The following PREX2 variants were observed in gnomAD, a reference collection of about 807,000 sequenced individuals.
PREX2 encodes phosphatidylinositol 3,4,5-trisphosphate-dependent Rac exchanger 2 protein.
A neutral mutation model predicts 203.2 loss-of-function variants in PREX2; 107 were observed. That is an observed-to-expected ratio of 0.53 (90% CI 0.45 to 0.62). PREX2 has a LOEUF of 0.62. PREX2 is among the 20% of genes least tolerant of loss of function. The pLI is 0.00. For synonymous variants in PREX2, 672 were observed against 663.6 expected, an observed-to-expected ratio of 1.01 and a Z score of -0.19; for missense variants, 1,777 against 1,955.9, an observed-to-expected ratio of 0.91 and a Z score of 1.72.
intron 25 of PREX2, among the ~76,000 whole-genome samples, chr8:68,115,414 A>G (rs1810633834): frequency 6.6e-6 from 1 of 152,224 alleles, no homozygotes; most frequent in Non-Finnish European, 1.5e-5. Flanking sequence ...AGGAATATTC[A>G]TTCTCACAGC....
At chr8:67,990,135 A>G (rs1563487617) in intron 1 of PREX2, among the ~76,000 whole-genome samples, 1 of 151,996 alleles carries the variant, frequency 6.6e-6, no homozygotes. Context: ...ACAGGCATGC[A>G]CCACCACACC....
At chr8:68,146,628 TA>T (rs2129613669) in intron 34 of PREX2, among the ~76,000 whole-genome samples, 1 of 152,266 alleles carries the variant, frequency 6.6e-6, no homozygotes, top group South Asian at 2.1e-4. Context: ...TTAAGTAAGT[TA>T]AATTATGGTA....
chr8:68,080,758 G>C lies in PREX2; in HGVS notation c.1798G>C (p.Glu600Gln). Residue 600 changes from glutamate to glutamine, a missense_variant, in exon 17 of 40, where the codon GAA becomes CAA. By Grantham distance (29) the Glu-to-Gln change is conservative. Coordinates refer to ENST00000288368, the MANE Select transcript of PREX2 (RefSeq NM_024870.4). Reference sequence around the variant, plus strand: ...TTTTGCATTTCAGATTAAATCCAATGAAGGCAGCTATGGCTTTGGATTAGA... The same window carrying C: ...TTTTGCATTTCAGATTAAATCCAATCAAGGCAGCTATGGCTTTGGATTAGA... ...IAKSLLIKSN[E>Q]GSYGFGLEDK... is the part of the protein sequence containing the mutation. 6.4e-7 allele frequency: 1 copy of C among 1,560,308 alleles called. No homozygotes were observed. The highest frequency in any genetic ancestry group is 8.7e-7 in the Non-Finnish European group (1 of 1,145,886).
At position 68,233,236 on chromosome 8, in the gene PREX2, G is replaced by C. The variant is rs1342726582; in HGVS notation, c.*1858G>C. ...TTTAACATTTGTAGGACTAATAAAG[G>C]AACACAGCTGATTAGCTAGCAAGTC... is the stretch of plus-strand genomic sequence containing the variant. On this transcript the variant is annotated 3_prime_UTR_variant, in exon 40 of 40. Transcript: ENST00000288368. 2 of 152,118 alleles carry C rather than the reference G, an allele frequency of 1.3e-5. No individual in the cohort carries two copies. The highest frequency in any genetic ancestry group is 2.9e-5 in the Non-Finnish European group (2 of 68,014). 9.4% of individuals were successfully genotyped at this position (152,118 alleles called of 1,614,324 possible). A position where few individuals can be genotyped will look rare whatever the true frequency, so the allele number is the denominator to read the frequency against.
At chr8:68,069,477 G>GT (rs1383591736) in intron 12 of PREX2, among the ~76,000 whole-genome samples, 1 of 150,738 alleles carries the variant, frequency 6.6e-6, no homozygotes, top group Non-Finnish European at 1.5e-5. Context: ...ATTTTGTACA[G>GT]TTGACAATAC....
At chr8:68,097,713 A>T (rs1164018193) in intron 22 of PREX2, among the ~76,000 whole-genome samples, 2 of 152,178 alleles carry the variant, frequency 1.3e-5, no homozygotes, top group Non-Finnish European at 2.9e-5. Context: ...CACAGTGTTA[A>T]GTTAGATGAA....
intron 37 of PREX2, among the ~76,000 whole-genome samples, chr8:68,207,760 A>G (rs1392482610): frequency 6.6e-6 from 1 of 152,150 alleles, no homozygotes; most frequent in Non-Finnish European, 1.5e-5. Context: ...AACTTGCCCA[A>G]GGTCACACAG....
intron 39 of PREX2, among the ~76,000 whole-genome samples, chr8:68,227,596 C>T (rs12549887): frequency 0.34 from 52,160 of 152,048 alleles, 9,939 homozygotes; most frequent in African/African-American, 0.51. Flanking sequence ...AAATCAATTT[C>T]GTTACCACAA....
intron 1 of PREX2, among the ~76,000 whole-genome samples, chr8:68,012,427 C>T (rs1381502560): frequency 6.6e-6 from 1 of 152,104 alleles, no homozygotes; most frequent in Non-Finnish European, 1.5e-5. Context: ...TTAAAAGACT[C>T]TCAATAACTG....
chr8:68,196,469 AT>A (rs1812397391), intron 37 of PREX2, among the ~76,000 whole-genome samples: 3 of 146,958 alleles, frequency 2.0e-5, no homozygotes, highest in Non-Finnish European at 4.5e-5. Flanking sequence ...GAGACACTAT[AT>A]ATATGTACAT....
intron 35 of PREX2, among the ~76,000 whole-genome samples, chr8:68,176,497 C>T (rs1040301293): frequency 7.9e-5 from 12 of 152,110 alleles, no homozygotes; most frequent in Non-Finnish European, 1.3e-4. Context: ...CCCCACCCTT[C>T]CATTGACTAG....
intron 1 of PREX2, among the ~76,000 whole-genome samples, chr8:68,006,316 T>G (rs1807092032): frequency 2.6e-5 from 4 of 152,338 alleles, no homozygotes; most frequent in African/African-American, 7.2e-5. Flanking sequence ...ATAACCTGTC[T>G]CAACAGTGTA....
intron 25 of PREX2, among the ~76,000 whole-genome samples, chr8:68,114,043 G>A (rs764147449): frequency 6.6e-6 from 1 of 152,166 alleles, no homozygotes; most frequent in Admixed American, 6.5e-5. Context: ...TGTATTTTTA[G>A]TAGAGACGGG....
chr8:68,199,601 G>A (rs184970332), intron 37 of PREX2, among the ~76,000 whole-genome samples: 2 of 152,272 alleles, frequency 1.3e-5, no homozygotes, highest in East Asian at 1.9e-4. Context: ...CAAGAAATTT[G>A]TATTACCAAT....
intron 34 of PREX2, among the ~76,000 whole-genome samples, chr8:68,151,925 T>C (rs1451140712): frequency 6.6e-6 from 1 of 151,290 alleles, no homozygotes; most frequent in Non-Finnish European, 1.5e-5. Flanking sequence ...CGTTTTGTTA[T>C]AAACATTGTC....
intron 37 of PREX2, among the ~76,000 whole-genome samples, chr8:68,213,559 A>G (rs1812780876): frequency 6.6e-6 from 1 of 152,238 alleles, no homozygotes; most frequent in Non-Finnish European, 1.5e-5. Flanking sequence ...CTTCCTTAGC[A>G]TTGCCAAATC....
chr8:68,105,138 G>A (rs752334823), intron 23 of PREX2: 1 of 1,367,516 alleles, frequency 7.3e-7, no homozygotes, highest in Admixed American at 1.9e-5. Flanking sequence ...CATATTTTAG[G>A]TTCAAGCTTC....
At chr8:67,977,638 A>G (rs2129609090) in intron 1 of PREX2, among the ~76,000 whole-genome samples, 1 of 152,314 alleles carries the variant, frequency 6.6e-6, no homozygotes, top group Admixed American at 6.5e-5. Flanking sequence ...AGGCCAAAGC[A>G]TGATTAGAGG....
At chr8:68,168,974 A>G (rs1344084169) in intron 35 of PREX2, among the ~76,000 whole-genome samples, 1 of 151,954 alleles carries the variant, frequency 6.6e-6, no homozygotes, top group African/African-American at 2.4e-5. Flanking sequence ...TTAGATTATA[A>G]GTTTCAGAAA....
Sources: gnomAD v4.1 joint callset for allele counts (sites outside exome capture counted in the v4.1 genomes callset) on GRCh38, gnomAD v4.1.1 for gene constraint, MANE v1.5 for transcripts, NCBI Gene and HGNC (gene_info 2026-07-23, HGNC 2026-07-21) for gene names.